The following ZNF608 variants were observed in gnomAD, a reference collection of about 807,000 sequenced individuals.
ZNF608 encodes the protein zinc finger protein 608.
ZNF608 carries 12 observed loss-of-function variants against 109.0 expected under a neutral mutation model. The ratio of observed to expected loss-of-function variants is 0.11; its 90% CI spans 0.07 to 0.18. The LOEUF is 0.18. ZNF608 is among the 10% of genes least tolerant of loss of function. The pLI is 1.00. For missense variants in ZNF608, 1,707 were observed against 1,879.3 expected (o/e 0.91, Z 1.70); for synonymous variants, 732 against 717.4 (o/e 1.02, Z -0.33).
chr5:124,699,922 C>T lies in ZNF608; in HGVS notation c.1162+1092G>A, dbSNP rs143599476. Among the ~76,000 whole-genome samples the T allele has an allele frequency of 3.1e-3, 474 of 152,300 alleles. 1 individual carries two copies. Among genetic ancestry groups the T allele is most frequent in the African/African-American group, 0.011 (450 of 41,558 alleles). ...CATTTCACCTTCTCCCTTTGAGTTT[C>T]GGCCCTCAGTTTTTCTCCCTTGATT... On this transcript the variant is annotated intron_variant, in intron 3 of 9. Transcript: ENST00000513986.
At chr5:124,734,086 G>C (rs1012760304) in intron 2 of ZNF608, among the ~76,000 whole-genome samples, 1 of 152,070 alleles carries the variant, frequency 6.6e-6, no homozygotes, top group Non-Finnish European at 1.5e-5. Flanking sequence ...ACAGTGATGC[G>C]ATCAACATAA....
intron 2 of ZNF608, among the ~76,000 whole-genome samples, chr5:124,702,506 T>C (rs1753093661): frequency 6.6e-6 from 1 of 151,740 alleles, no homozygotes; most frequent in Non-Finnish European, 1.5e-5. Context: ...TTTTGGTTTT[T>C]TTTTTTGAAA....
Position 124,637,077 on chromosome 5 carries a change from G to T in ZNF608, c.*823C>A. 7.6e-6 allele frequency: 1 copy of T among 131,404 alleles called. No individual in the cohort carries two copies. Among genetic ancestry groups the T allele is most frequent in the Non-Finnish European group, 1.6e-5 (1 of 63,682 alleles). The allele number at this position is 131,404 out of a possible 1,614,324, so 8.1% of individuals were successfully genotyped here. On this transcript the variant is annotated 3_prime_UTR_variant, in exon 10 of 10. Transcript: ENST00000513986. Reference sequence around the variant, plus strand: ...TTAAAGTCTCTCTCTTCTAAAACTGGATAATTGTAAACATTAAAAAAAAAA... The same window carrying T: ...TTAAAGTCTCTCTCTTCTAAAACTGTATAATTGTAAACATTAAAAAAAAAA...
At position 124,744,052 on chromosome 5, in the gene ZNF608, G is replaced by T; in HGVS notation, c.906+32C>A. The stretch of plus-strand genomic sequence containing the variant: ...CCCACACAAATGCACACAGAGGAGA[G>T]TAGGACATCTAGGAAGGCGACTTTA... On this transcript the variant is annotated intron_variant, in intron 2 of 9. Coordinates refer to ENST00000513986, the MANE Select transcript of ZNF608 (RefSeq NM_020747.3). The surrounding 1 kb of genome is among the most constrained non-coding windows in gnomAD (Gnocchi z 4.5). The T allele has an allele frequency of 6.4e-7, 1 of 1,555,242 alleles. No individual in the cohort carries two copies. The highest frequency in any genetic ancestry group is 1.2e-5 in the South Asian group (1 of 80,248).
rs1230727415 is a variant in ZNF608, at chr5:124,644,621, G to T, written c.3746C>A (p.Pro1249His). The T allele has an allele frequency of 1.9e-6, 3 of 1,604,976 alleles. No individual in the cohort carries two copies. Among genetic ancestry groups the T allele is most frequent in the Non-Finnish European group, 2.6e-6 (3 of 1,176,180 alleles). Residue 1249 changes from proline to histidine, a missense_variant, in exon 6 of 10, where the codon CCC becomes CAC. By Grantham distance (77) the Pro-to-His change is moderately conservative. Transcript: ENST00000513986. ...SRTWHHYVYQPKYLDQQKSEE... is the reference protein window; with the variant it reads ...SRTWHHYVYQHKYLDQQKSEE... ...TGACTTTTGCTGATCCAGATATTTG[G>T]GCTGGTATACATAATGATGCCATGT...
At chr5:124,742,511 C>G (rs987359322) in intron 2 of ZNF608, among the ~76,000 whole-genome samples, 1 of 152,172 alleles carries the variant, frequency 6.6e-6, no homozygotes, top group Non-Finnish European at 1.5e-5. Flanking sequence ...AAATGCCCTA[C>G]TGTACTAAGT....
intron 2 of ZNF608, among the ~76,000 whole-genome samples, chr5:124,739,862 T>C (rs1461862297): frequency 6.6e-6 from 1 of 152,180 alleles, no homozygotes; most frequent in Non-Finnish European, 1.5e-5. Context: ...TCGAATCTGG[T>C]TATTGAACAC....
At chr5:124,685,984 T>C (rs1338129866) in intron 3 of ZNF608, among the ~76,000 whole-genome samples, 3 of 152,208 alleles carry the variant, frequency 2.0e-5, no homozygotes, top group African/African-American at 7.2e-5. Context: ...TACTTGGAAA[T>C]GTGCTACTTG....
At chr5:124,722,553 T>C (rs1434317596) in intron 2 of ZNF608, among the ~76,000 whole-genome samples, 3 of 150,368 alleles carry the variant, frequency 2.0e-5, no homozygotes, top group Non-Finnish European at 4.4e-5. Context: ...TGTGATGATT[T>C]TTCTATAAAT....
chr5:124,726,662 TAAAAAAAAAA>T (rs142658513), intron 2 of ZNF608, among the ~76,000 whole-genome samples: 7 of 135,572 alleles, frequency 5.2e-5, no homozygotes, highest in African/African-American at 1.9e-4. Flanking sequence ...AAGATTTGTT[TAAAAAAAAAA>T]AAAAAAAAAA....
At chr5:124,712,847 G>A (rs568624157) in intron 2 of ZNF608, among the ~76,000 whole-genome samples, 1 of 152,184 alleles carries the variant, frequency 6.6e-6, no homozygotes, top group South Asian at 2.1e-4. Context: ...TTCAATTTAG[G>A]TGAAAAAATG....
chr5:124,675,706 CT>C (rs769437007), intron 3 of ZNF608, among the ~76,000 whole-genome samples: 5 of 152,128 alleles, frequency 3.3e-5, no homozygotes, highest in Non-Finnish European at 7.4e-5. Context: ...CTTAATCTAT[CT>C]GTTATTTAAG....
upstream of ZNF608, among the ~76,000 whole-genome samples, chr5:124,746,998 G>A (rs2149912459): frequency 6.6e-6 from 1 of 151,828 alleles, no homozygotes; most frequent in South Asian, 2.1e-4. Context: ...TTTAAAATGG[G>A]CTCAGTCTTC....
intron 3 of ZNF608, among the ~76,000 whole-genome samples, chr5:124,696,408 C>T (rs1177209287): frequency 5.3e-5 from 8 of 152,014 alleles, no homozygotes; most frequent in Admixed American, 3.3e-4. Context: ...TTTCATTGCC[C>T]GCCAAAAACT....
chr5:124,712,594 C>A (rs1389266290), intron 2 of ZNF608, among the ~76,000 whole-genome samples: 4 of 152,096 alleles, frequency 2.6e-5, no homozygotes, highest in Admixed American at 2.6e-4. Context: ...TGGAGTGGGG[C>A]TCTAAGAGTA....
At chr5:124,649,777 C>CTT in intron 3 of ZNF608, 80 bp from the exon 4 acceptor site, 1 of 878,004 alleles carries the variant, frequency 1.1e-6, no homozygotes, top group Non-Finnish European at 1.6e-6. Flanking sequence ...ATTTTTTTCT[C>CTT]TTTTTTTTGC....
Position 124,701,262 on chromosome 5 carries a change from G to T in ZNF608, c.914C>A (p.Pro305His). The T allele has an allele frequency of 1.2e-6, 2 of 1,614,014 alleles. No homozygotes were observed. The highest frequency in any genetic ancestry group is 1.7e-6 in the Non-Finnish European group (2 of 1,179,924). The change falls in exon 3 of 10, where the codon CCC (proline) becomes CAC (histidine). Residue 305 changes from proline (P) to histidine (H), a missense_variant. By Grantham distance (77) the Pro-to-His change is moderately conservative. Around this residue, in one of 7 missense-constraint regions of ZNF608, gnomAD observed 407 missense variants for 398.7 expected, o/e 1.02. Transcript: ENST00000513986. Reference protein sequence around the residue: ...IKKLKTEKVDPLFTVPAPPPP... With the variant: ...IKKLKTEKVDHLFTVPAPPPP... The stretch of plus-strand genomic sequence containing the variant: ...TGGTGGCGCTGGCACTGTAAACAGG[G>T]GGTCAACCTGAAAGACAGACAGGCT...
intron 3 of ZNF608, among the ~76,000 whole-genome samples, chr5:124,652,246 T>G (rs1212890691): frequency 6.6e-6 from 1 of 152,198 alleles, no homozygotes; most frequent in African/African-American, 2.4e-5. Flanking sequence ...AGCAGACCTC[T>G]TATCGAAGTA....
intron 3 of ZNF608, among the ~76,000 whole-genome samples, chr5:124,670,468 C>T (rs909056082): frequency 4.6e-5 from 7 of 151,782 alleles, no homozygotes; most frequent in Admixed American, 1.3e-4. Flanking sequence ...CGAGTCACCA[C>T]GCAAGATAAA....
Sources: gnomAD v4.1 joint callset for allele counts (sites outside exome capture counted in the v4.1 genomes callset) on GRCh38, gnomAD v4.1.1 for gene constraint, gnomAD v4.1.1 regional missense constraint, Gnocchi (gnomAD v3.1) non-coding constraint, MANE v1.5 for transcripts, NCBI Gene and HGNC (gene_info 2026-07-23, HGNC 2026-07-21) for gene names.